The following GOT1L1 variants were observed in gnomAD, a reference collection of about 807,000 sequenced individuals.
GOT1L1 encodes the protein aspartate aminotransferase, cytoplasmic 2.
Under a neutral mutation model 43.6 loss-of-function variants are expected in GOT1L1, and 38 were observed. That is an observed-to-expected ratio of 0.87 (90% CI 0.67 to 1.14). The LOEUF (loss-of-function observed/expected upper bound fraction) is 1.14, where lower values mean the gene tolerates loss of function less well. Ranked by LOEUF, GOT1L1 falls within the 50% of genes most tolerant of loss-of-function variation. The pLI is 0.00. For missense variants in GOT1L1, 482 were observed against 504.0 expected (o/e 0.96, Z 0.42); for synonymous variants, 183 against 187.2 (o/e 0.98, Z 0.18).
chr8:37,937,375 G>C lies in GOT1L1; in HGVS notation c.421C>G (p.Leu141Val). 1.9e-6 allele frequency: 3 copies of C among 1,596,198 alleles called. No homozygotes were observed. Among genetic ancestry groups the C allele is most frequent in the South Asian group, 2.3e-5 (2 of 87,428 alleles). ...IISSQKELHG[L>V]VFQDMGFTVY... ...GTAAAGCCCATGTCCTGGAAGACGAGTCCATGCAGTTCTGTGGGAACACAG... is the reference window on the plus strand; with the variant it reads ...GTAAAGCCCATGTCCTGGAAGACGACTCCATGCAGTTCTGTGGGAACACAG... Residue 141 changes from leucine to valine, a missense_variant, in exon 4 of 9, where the codon CTC (leucine) becomes GTC (valine). Coordinates refer to ENST00000307599, the MANE Select transcript of GOT1L1 (RefSeq NM_152413.3).
Position 37,939,999 on chromosome 8 carries a change from G to A in GOT1L1, c.31C>T (p.Pro11Ser). Reference sequence around the variant, plus strand: ...CTGCCCTCTAGCTTGTGGGCGAGGGGCACATCCATGAACACTGAAAGGGTG... The same window carrying A: ...CTGCCCTCTAGCTTGTGGGCGAGGGACACATCCATGAACACTGAAAGGGTG... MPTLSVFMDVPLAHKLEGSLL... is the reference protein window; with the variant it reads MPTLSVFMDVSLAHKLEGSLL... Residue 11 changes from proline to serine, a missense_variant, in exon 1 of 9, where the codon CCC (proline) becomes TCC (serine). Transcript: ENST00000307599. 6.2e-7 allele frequency: 1 copy of A among 1,613,444 alleles called. No homozygotes were observed. The highest frequency in any genetic ancestry group is 8.5e-7 in the Non-Finnish European group (1 of 1,179,562).
chr8:37,934,460 T>C lies in GOT1L1; in HGVS notation c.1099A>G (p.Lys367Glu). 1.9e-6 allele frequency: 3 copies of C among 1,613,778 alleles called. No individual in the cohort carries two copies. The highest frequency in any genetic ancestry group is 2.5e-6 in the Non-Finnish European group (3 of 1,179,724). Reference protein sequence around the residue: ...NSQQVEYLVRKKHIYIPKNGQ... With the variant: ...NSQQVEYLVREKHIYIPKNGQ... ...TTCTTGGGGATATAGATGTGCTTCT[T>C]CCTGACCAGGTATTCCACCTGCTGG... Residue 367 changes from lysine (K) to glutamate (E), a missense_variant, in exon 9 of 9, where the codon AAG becomes GAG. By Grantham distance (56) the Lys-to-Glu change is moderately conservative (BLOSUM62 1). Transcript: ENST00000307599.
intron 2 of GOT1L1, among the ~76,000 whole-genome samples, 200 bp downstream of exon 2, chr8:37,938,498 AGT>A (rs1395698529): frequency 2.6e-5 from 4 of 152,350 alleles, no homozygotes; most frequent in Middle Eastern, 3.4e-3. Context: ...TCAAATCAGC[AGT>A]GTGAGCAGGT....
chr8:37,934,822 C>T (rs767591861), intron 8 of GOT1L1, among the ~76,000 whole-genome samples: 5 of 152,012 alleles, frequency 3.3e-5, no homozygotes, highest in African/African-American at 9.7e-5. Context: ...GTGACCCACC[C>T]GCCTCGGCCT....
chr8:37,935,036 G>T (rs761968873), intron 8 of GOT1L1, 37 bp downstream of exon 8: 3 of 1,611,616 alleles, frequency 1.9e-6, no homozygotes, highest in South Asian at 1.1e-5. Context: ...CAGGCCAAAG[G>T]TCAGAAAGGG....
Position 37,937,340 on chromosome 8 carries a change from T to C in GOT1L1, c.456A>G (p.Glu152=). 1 of 1,610,790 alleles carries C rather than the reference T, an allele frequency of 6.2e-7. No homozygotes were observed. The highest frequency in any genetic ancestry group is 1.3e-5 in the African/African-American group (1 of 74,912). Residue 152 remains glutamate (E), a synonymous_variant, in exon 4 of 9, where the codon GAA becomes GAG. Transcript: ENST00000307599. ...VFQDMGFTVY[E]YSVWDPKKLC... is the part of the protein sequence containing the mutation. ...GCTTCTTGGGGTCCCAGACAGAGTA[T>C]TCATAAACTGTAAAGCCCATGTCCT...
rs868429491 is a variant in GOT1L1 at position 37,939,431 on chromosome 8, A to T, written c.115+484T>A. ...CCTGTCTCAAGAAAAAAAAAAAAAA[A>T]ATATATATATATATATATATATATA... is the stretch of plus-strand genomic sequence containing the variant. On this transcript the variant is annotated intron_variant, in intron 1 of 8. Coordinates refer to ENST00000307599, the MANE Select transcript of GOT1L1 (RefSeq NM_152413.3). Among the ~76,000 whole-genome samples, 153 of 41,528 alleles carry T rather than the reference A, an allele frequency of 3.7e-3. 4 individuals are homozygous for T. Among genetic ancestry groups the T allele is most frequent in the South Asian group, 6.1e-3 (5 of 826 alleles). 27.2% of individuals were successfully genotyped at this position (41,528 alleles called of 152,430 possible).
chr8:37,937,680 G>A lies in GOT1L1; in HGVS notation c.367C>T (p.His123Tyr). ...QLGVQFLRAW[H>Y]KDARIVYIIS... ...ATGTAAACTATACGAGCATCCTTAT[G>A]CCAAGCTCTGAGAAACTGGACGCCA... Residue 123 changes from histidine (H) to tyrosine (Y), a missense_variant, in exon 3 of 9, where the codon CAT becomes TAT. By Grantham distance (83) the His-to-Tyr change is moderately conservative. Coordinates refer to ENST00000307599, the MANE Select transcript of GOT1L1 (RefSeq NM_152413.3). 1 of 1,612,960 alleles carries A rather than the reference G, an allele frequency of 6.2e-7. No homozygotes were observed. The highest frequency in any genetic ancestry group is 1.1e-5 in the South Asian group (1 of 90,856).
intron 7 of GOT1L1, 90 bp from the exon 8 acceptor site, chr8:37,935,305 A>C: frequency 7.8e-7 from 1 of 1,282,870 alleles, no homozygotes; most frequent in Non-Finnish European, 1.1e-6. Context: ...CTTACCTTCA[A>C]AGGTCTCCAA....
rs183337393 is a variant in GOT1L1 at position 37,939,862 on chromosome 8, A to T, written c.115+53T>A. 7.8e-4 allele frequency: 1,211 copies of T among 1,555,928 alleles called. 8 individuals carry two copies. The African/African-American group carries it at 0.014, about 17-fold the overall frequency. ...CTGCAGCAGGGAACACTGTCCTCCTAGAGGCAGTTACCATCACTTAAGTCT... is the reference window on the plus strand; with the variant it reads ...CTGCAGCAGGGAACACTGTCCTCCTTGAGGCAGTTACCATCACTTAAGTCT... On this transcript the variant is annotated intron_variant, in intron 1 of 8. Transcript: ENST00000307599.
chr8:37,938,613 C>T (rs1427915575), intron 2 of GOT1L1, 87 bp downstream of exon 2: 18 of 1,250,676 alleles, frequency 1.4e-5, no homozygotes, highest in Middle Eastern at 2.8e-4. Context: ...GGGGGCCCTC[C>T]GAGGTCCCCT....
rs1331744292 is a variant in GOT1L1, at chr8:37,934,497, G to T, written c.1073-11C>A. Reference sequence around the variant, plus strand: ...ATTCCACCTGCTGGGCTAAAATCATGACAAGGTCTCAGATCTCGAGACTGG... The same window carrying T: ...ATTCCACCTGCTGGGCTAAAATCATTACAAGGTCTCAGATCTCGAGACTGG... On this transcript the variant is annotated splice_polypyrimidine_tract_variant and intron_variant, in intron 8 of 8. Coordinates refer to ENST00000307599, the MANE Select transcript of GOT1L1 (RefSeq NM_152413.3). 2 of 1,604,440 alleles carry T rather than the reference G, an allele frequency of 1.2e-6. No individual in the cohort carries two copies. The highest frequency in any genetic ancestry group is 1.3e-5 in the African/African-American group (1 of 74,748).
At position 37,937,652 on chromosome 8, in the gene GOT1L1, A is replaced by G. The variant is rs748511908; in HGVS notation, c.395T>C (p.Ile132Thr). The G allele has an allele frequency of 1.2e-6, 2 of 1,609,132 alleles. No individual in the cohort carries two copies. Among genetic ancestry groups the G allele is most frequent in the Non-Finnish European group, 1.7e-6 (2 of 1,176,936 alleles). ...WHKDARIVYI[I>T]SSQKELHGLV... ...GTAAGACTAACCTTTTTGAGAAGAG[A>G]TGATGTAAACTATACGAGCATCCTT... The change falls in exon 3 of 9, where the codon ATC becomes ACC. Residue 132 changes from isoleucine (I) to threonine (T), a missense_variant. Ile to Thr is a moderately conservative substitution (Grantham distance 89). Coordinates refer to ENST00000307599, the MANE Select transcript of GOT1L1 (RefSeq NM_152413.3).
rs1227636710 is a variant in GOT1L1 at position 37,935,825 on chromosome 8, G to T, written c.808C>A (p.Gln270Lys). The T allele has an allele frequency of 1.2e-5, 20 of 1,612,980 alleles. No homozygotes were observed. Among genetic ancestry groups the T allele is most frequent in the Non-Finnish European group, 1.7e-5 (20 of 1,179,452 alleles). ...AGCTGGGAGAGGACACACAGCAGCTGCTGGTTGTTGACTGCCACCACCACT... is the reference window on the plus strand; with the variant it reads ...AGCTGGGAGAGGACACACAGCAGCTTCTGGTTGTTGACTGCCACCACCACT... ...MLVVVAVNNQQLLCVLSQLEG... is the reference protein window; with the variant it reads ...MLVVVAVNNQKLLCVLSQLEG... The change falls in exon 7 of 9, where the codon CAG becomes AAG. Residue 270 changes from glutamine (Q) to lysine (K), a missense_variant. Coordinates refer to ENST00000307599, the MANE Select transcript of GOT1L1 (RefSeq NM_152413.3).
At chr8:37,939,075 G>C (rs1227422024) in intron 1 of GOT1L1, 194 bp from the exon 2 acceptor site, 5 of 527,184 alleles carry the variant, frequency 9.5e-6, no homozygotes, top group Non-Finnish European at 1.7e-5. Flanking sequence ...TATTATTTTT[G>C]TCTTTTTAAA....
intron 8 of GOT1L1, 159 bp downstream of exon 8, chr8:37,934,914 T>C: frequency 3.9e-6 from 3 of 766,872 alleles, no homozygotes; most frequent in Non-Finnish European, 6.2e-6. Context: ...TGTCGGTACT[T>C]CTGGGGGTCC....
chr8:37,934,718 C>T (rs1338318436), intron 8 of GOT1L1, among the ~76,000 whole-genome samples: 1 of 152,108 alleles, frequency 6.6e-6, no homozygotes. Context: ...TTACAGGATG[C>T]ACCACCATGC....
chr8:37,935,010 G>T lies in GOT1L1; in HGVS notation c.1072+63C>A, dbSNP rs75219608. The T allele has an allele frequency of 9.3e-4, 1,475 of 1,579,476 alleles. 9 individuals are homozygous for T. In the Admixed American group the frequency reaches 0.018, roughly 19 times the overall value. On this transcript the variant is annotated intron_variant, in intron 8 of 8. Coordinates refer to ENST00000307599, the MANE Select transcript of GOT1L1 (RefSeq NM_152413.3). ...AGGAACTGGTCACCTAGTCAGTGAA[G>T]TTTAATGCTCAAATACAGGCCAAAG...
At chr8:37,935,243 G>A (rs553086866) in intron 7 of GOT1L1, 28 bp from the exon 8 acceptor site, 1 of 1,562,196 alleles carries the variant, frequency 6.4e-7, no homozygotes, top group Admixed American at 1.9e-5. Flanking sequence ...TGAGAAAGGA[G>A]GGTGTGAGGT....
Sources: gnomAD v4.1 joint callset for allele counts (sites outside exome capture counted in the v4.1 genomes callset) on GRCh38, gnomAD v4.1.1 for gene constraint, MANE v1.5 for transcripts, NCBI Gene and HGNC (gene_info 2026-07-23, HGNC 2026-07-21) for gene names.